RIMS2: variants seen among roughly 807,000 people sequenced by gnomAD.
RIMS2 encodes regulating synaptic membrane exocytosis 2.
A neutral mutation model predicts 174.4 loss-of-function variants in RIMS2; 59 were observed. The observed-to-expected ratio is 0.34, with a 90% confidence interval of 0.27 to 0.42. The LOEUF is 0.42. Ranked by LOEUF, RIMS2 falls within the 10% of genes least tolerant of loss-of-function variation. The pLI is 1.00. For synonymous variants in RIMS2, 606 were observed against 572.5 expected (o/e 1.06, Z -0.84); for missense variants, 1,620 against 1,666.3 (o/e 0.97, Z 0.48).
At chr8:103,852,463 T>G (rs1012007013) in intron 3 of RIMS2, among the ~76,000 whole-genome samples, 1 of 151,640 alleles carries the variant, frequency 6.6e-6, no homozygotes, top group Admixed American at 6.6e-5. Context: ...ATGGGCAGGT[T>G]TGTGCTCAAT....
At chr8:104,009,155 AATT>A (rs2095678889) in intron 17 of RIMS2, among the ~76,000 whole-genome samples, 1 of 151,962 alleles carries the variant, frequency 6.6e-6, no homozygotes, top group Non-Finnish European at 1.5e-5. Flanking sequence ...ATGCTATATT[AATT>A]ATTCTAAAAT....
At chr8:103,793,539 C>G (rs1391920084) in intron 3 of RIMS2, among the ~76,000 whole-genome samples, 1 of 152,172 alleles carries the variant, frequency 6.6e-6, no homozygotes, top group Non-Finnish European at 1.5e-5. Flanking sequence ...GATGCCCTCT[C>G]TCACCACTCC....
chr8:103,876,919 C>CACACACA (rs1565063497), intron 3 of RIMS2, among the ~76,000 whole-genome samples: 2 of 69,552 alleles, frequency 2.9e-5, no homozygotes, highest in Non-Finnish European at 6.3e-5. Context: ...TACACACACA[C>CACACACA]CCCCATATAC....
At chr8:103,612,187 C>T (rs2095392764) in intron 1 of RIMS2, among the ~76,000 whole-genome samples, 1 of 152,074 alleles carries the variant, frequency 6.6e-6, no homozygotes, top group Non-Finnish European at 1.5e-5. Flanking sequence ...TGAATTCCTT[C>T]CCTGTGTTAT....
At chr8:103,582,880 G>A (rs776659342) in intron 1 of RIMS2, among the ~76,000 whole-genome samples, 2 of 152,200 alleles carry the variant, frequency 1.3e-5, no homozygotes, top group South Asian at 4.1e-4. Context: ...CTGAAGAGGA[G>A]GATACAGTTC....
At chr8:104,055,928 A>C (rs1416068756) in intron 19 of RIMS2, among the ~76,000 whole-genome samples, 1 of 151,710 alleles carries the variant, frequency 6.6e-6, no homozygotes, top group Non-Finnish European at 1.5e-5. Flanking sequence ...TCTTTCCCTC[A>C]CTTCTTCCTT....
intron 2 of RIMS2, among the ~76,000 whole-genome samples, chr8:103,735,429 C>T (rs573488697): frequency 1.3e-5 from 2 of 151,910 alleles, no homozygotes; most frequent in African/African-American, 4.8e-5. Flanking sequence ...TTATTTACTC[C>T]TTTACATCAT....
At chr8:104,107,327 T>C (rs2098089177) in intron 19 of RIMS2, among the ~76,000 whole-genome samples, 2 of 152,222 alleles carry the variant, frequency 1.3e-5, no homozygotes, top group Non-Finnish European at 2.9e-5. Flanking sequence ...TAATGTTCTT[T>C]TAAAATAATA....
chr8:104,123,434 A>T (rs1350910407), intron 19 of RIMS2, among the ~76,000 whole-genome samples: 1 of 152,070 alleles, frequency 6.6e-6, no homozygotes, highest in African/African-American at 2.4e-5. Context: ...ACCTTTAAGT[A>T]TGAAATTTTA....
chr8:103,760,342 G>A (rs1028816711), intron 2 of RIMS2, among the ~76,000 whole-genome samples: 1 of 152,214 alleles, frequency 6.6e-6, no homozygotes, highest in Non-Finnish European at 1.5e-5. Flanking sequence ...GGCATCAGAT[G>A]AAGAAAATTT....
intron 14 of RIMS2, among the ~76,000 whole-genome samples, chr8:103,943,821 T>C (rs895069238): frequency 6.6e-6 from 1 of 152,136 alleles, no homozygotes; most frequent in African/African-American, 2.4e-5. Flanking sequence ...TAGCAACATT[T>C]TGTCAAGTGC....
chr8:104,157,083 A>C (rs1212738786), intron 19 of RIMS2, among the ~76,000 whole-genome samples: 3 of 152,184 alleles, frequency 2.0e-5, no homozygotes, highest in Non-Finnish European at 2.9e-5. Context: ...AAATTATAAC[A>C]GTGTTTTAGC....
intron 4 of RIMS2, among the ~76,000 whole-genome samples, chr8:103,894,311 A>G (rs1002848911): frequency 6.6e-6 from 1 of 151,648 alleles, no homozygotes; most frequent in African/African-American, 2.4e-5. Context: ...CAGTAGAAAT[A>G]TCTTCTAAGG....
At chr8:103,675,635 A>G (rs968642641) in intron 1 of RIMS2, among the ~76,000 whole-genome samples, 12 of 152,234 alleles carry the variant, frequency 7.9e-5, no homozygotes, top group African/African-American at 2.7e-4. Flanking sequence ...GAGATAGCAT[A>G]AGCCTATCTG....
At chr8:103,802,063 C>T (rs1240737354) in intron 3 of RIMS2, among the ~76,000 whole-genome samples, 1 of 152,110 alleles carries the variant, frequency 6.6e-6, no homozygotes, top group African/African-American at 2.4e-5. Context: ...GCTAGTAAGG[C>T]ATTAAAATGG....
intron 3 of RIMS2, among the ~76,000 whole-genome samples, chr8:103,798,537 G>C (rs1162654357): frequency 6.6e-6 from 1 of 152,090 alleles, no homozygotes; most frequent in Non-Finnish European, 1.5e-5. Flanking sequence ...TTAATCATTT[G>C]TCAGTTTATG....
chr8:104,043,693 T>A lies in RIMS2; in HGVS notation c.3334+29078T>A, dbSNP rs566623641. ...GTTATTATGAGAGACAATTTAATTA[T>A]CTTAAGAATTTTCAGATGTTGGACA... On this transcript the variant is annotated intron_variant, in intron 19 of 23. Transcript: ENST00000504942. Among the ~76,000 whole-genome samples, 4 of 151,792 alleles carry A rather than the reference T, an allele frequency of 2.6e-5. No homozygotes were observed. In the South Asian group the frequency reaches 8.3e-4, roughly 31 times the overall value.
chr8:103,633,506 C>T (rs1480515701), intron 1 of RIMS2, among the ~76,000 whole-genome samples: 3 of 152,028 alleles, frequency 2.0e-5, no homozygotes, highest in Non-Finnish European at 4.4e-5. Flanking sequence ...TTCTTTTTCT[C>T]TTGTCTCTTC....
chr8:103,773,366 T>TA (rs931268905), intron 3 of RIMS2, among the ~76,000 whole-genome samples: 21 of 152,290 alleles, frequency 1.4e-4, no homozygotes, highest in African/African-American at 4.6e-4. Context: ...AAGCTGTTTA[T>TA]AAAAAAATAT....
Sources: gnomAD v4.1 joint callset for allele counts (sites outside exome capture counted in the v4.1 genomes callset) on GRCh38, gnomAD v4.1.1 for gene constraint, MANE v1.5 for transcripts, NCBI Gene and HGNC (gene_info 2026-07-23, HGNC 2026-07-21) for gene names.